Variants in TNFAIP6 observed in about 807,000 individuals in gnomAD.
TNFAIP6 encodes the protein TNF alpha induced protein 6.
TNFAIP6 carries 36 observed loss-of-function variants against 33.7 expected under a neutral mutation model. The ratio of observed to expected loss-of-function variants is 1.07; its 90% confidence interval spans 0.82 to 1.41. The LOEUF (loss-of-function observed/expected upper bound fraction) is 1.41. TNFAIP6 is among the 40% of genes most tolerant of loss of function. The pLI is 0.00. For synonymous variants in TNFAIP6, 113 were observed against 112.8 expected, an observed-to-expected ratio of 1.00 and a Z score of -0.01; for missense variants, 273 against 331.9, an observed-to-expected ratio of 0.82 and a Z score of 1.38.
At chr2:151,374,677 T>A (rs1162980351) in intron 5 of TNFAIP6, among the ~76,000 whole-genome samples, 10 of 152,240 alleles carry the variant, frequency 6.6e-5, no homozygotes, top group Non-Finnish European at 8.8e-5. Context: ...TGTTACAAAC[T>A]CCCTTAAGAA....
chr2:151,367,940 A>G (rs568053381), intron 3 of TNFAIP6, among the ~76,000 whole-genome samples: 2 of 152,298 alleles, frequency 1.3e-5, no homozygotes, highest in South Asian at 2.1e-4. Flanking sequence ...GATATTCTAA[A>G]TAATAGATGA....
At position 151,366,093 on chromosome 2, in the gene TNFAIP6, C is replaced by T. The variant is rs1260694261; in HGVS notation, c.270C>T (p.Gly90=). Reference sequence around the variant, plus strand: ...GTGCTGCTGGATGGATGGCTAAGGGCAGAGTTGGATACCCCATTGTGAAGC... The same window carrying T: ...GTGCTGCTGGATGGATGGCTAAGGGTAGAGTTGGATACCCCATTGTGAAGC... ...HVCAAGWMAK[G]RVGYPIVKPG... is the part of the protein sequence containing the mutation. Residue 90 remains glycine (G), a synonymous_variant, in exon 3 of 6, where the codon GGC becomes GGT. Transcript: ENST00000243347. 6.2e-7 allele frequency: 1 copy of T among 1,614,046 alleles called. No homozygotes were observed.
intron 3 of TNFAIP6, among the ~76,000 whole-genome samples, chr2:151,369,607 C>T (rs189380423): frequency 2.0e-5 from 3 of 152,018 alleles, no homozygotes; most frequent in Admixed American, 6.6e-5. Flanking sequence ...GATCCATTTC[C>T]ACACAAAAAA....
In TNFAIP6 at chr2:151,379,685, C is replaced by A. The variant is rs950405785; in HGVS notation, c.*152C>A. On this transcript the variant is annotated 3_prime_UTR_variant, in exon 6 of 6. Coordinates refer to ENST00000243347, the MANE Select transcript of TNFAIP6 (RefSeq NM_007115.4). The stretch of plus-strand genomic sequence containing the variant: ...AGGGAAAATTGGAAAATATAGGAAA[C>A]TTTAAACGAGAAAATGAAACCTCTC... 3.8e-5 allele frequency: 20 copies of A among 528,972 alleles called. No homozygotes were observed. The highest frequency in any genetic ancestry group is 5.6e-5 in the Non-Finnish European group (19 of 337,072). 32.8% of individuals were successfully genotyped at this position (528,972 alleles called of 1,614,324 possible).
chr2:151,360,750 A>G (rs1684612369), intron 1 of TNFAIP6, among the ~76,000 whole-genome samples: 1 of 152,206 alleles, frequency 6.6e-6, no homozygotes, highest in African/African-American at 2.4e-5. Flanking sequence ...TTAATATTTA[A>G]TAAATTAAAT....
chr2:151,366,280 A>G, intron 3 of TNFAIP6, 63 bp downstream of exon 3: 2 of 1,473,392 alleles, frequency 1.4e-6, no homozygotes, highest in Non-Finnish European at 1.9e-6. Context: ...AGAGGTTGTT[A>G]AAAAAGAAAT....
intron 5 of TNFAIP6, among the ~76,000 whole-genome samples, chr2:151,375,953 A>T (rs935707605): frequency 1.3e-5 from 2 of 152,190 alleles, no homozygotes; most frequent in African/African-American, 4.8e-5. Flanking sequence ...CTACAAAAAA[A>T]TACAGAAGTC....
chr2:151,369,886 A>T (rs1210360526), intron 3 of TNFAIP6, 134 bp from the exon 4 acceptor site: 1 of 640,294 alleles, frequency 1.6e-6, no homozygotes. Context: ...TACATAATAT[A>T]CCATAGATGC....
intron 5 of TNFAIP6, among the ~76,000 whole-genome samples, chr2:151,378,523 T>C (rs1242865358): frequency 6.6e-6 from 1 of 151,596 alleles, no homozygotes; most frequent in African/African-American, 2.4e-5. Flanking sequence ...AGTTTTGCTC[T>C]TGTTGCCCAG....
intron 1 of TNFAIP6, 108 bp downstream of exon 1, chr2:151,357,868 C>A: frequency 1.6e-6 from 1 of 641,374 alleles, no homozygotes; most frequent in Non-Finnish European, 2.7e-6. Flanking sequence ...GGCTGATGTT[C>A]TCAAAGAAAA....
intron 2 of TNFAIP6, among the ~76,000 whole-genome samples, chr2:151,364,762 G>A (rs1381066457): frequency 2.0e-5 from 3 of 152,136 alleles, no homozygotes; most frequent in Non-Finnish European, 4.4e-5. Context: ...TTGCTGACTG[G>A]ATAACATCCG....
chr2:151,374,416 C>T (rs1316959466), intron 5 of TNFAIP6, among the ~76,000 whole-genome samples: 1 of 152,162 alleles, frequency 6.6e-6, no homozygotes, highest in Non-Finnish European at 1.5e-5. Context: ...ATCACCAGCA[C>T]CAGCAGCTGG....
chr2:151,362,287 T>A (rs777339159), intron 1 of TNFAIP6, among the ~76,000 whole-genome samples: 5 of 152,060 alleles, frequency 3.3e-5, no homozygotes. Flanking sequence ...GACTTAACAC[T>A]GCCTAAAATA....
intron 5 of TNFAIP6, among the ~76,000 whole-genome samples, chr2:151,375,099 T>C (rs970099256): frequency 5.4e-5 from 7 of 129,730 alleles, no homozygotes; most frequent in African/African-American, 8.8e-5. Flanking sequence ...CACTCCAGCC[T>C]GAGCAACAAG....
At position 151,379,476 on chromosome 2, in the gene TNFAIP6, A is replaced by G. The variant is rs1174096241; in HGVS notation, c.777A>G (p.Thr259=). ...CCAAATCCAGTCAAGGAAAAAATAC[A>G]AGTACTACTTCTACTGGAAATAAAA... ...PVSKSSQGKN[T]STTSTGNKNF... Residue 259 remains threonine (T), a synonymous_variant, in exon 6 of 6, where the codon ACA becomes ACG. Coordinates refer to ENST00000243347, the MANE Select transcript of TNFAIP6 (RefSeq NM_007115.4). 4 of 1,606,796 alleles carry G rather than the reference A, an allele frequency of 2.5e-6. No individual in the cohort carries two copies. The Admixed American group carries it at 5.1e-5, about 21-fold the overall frequency.
intron 5 of TNFAIP6, 84 bp downstream of exon 5, chr2:151,373,673 A>C: frequency 1.5e-6 from 1 of 681,154 alleles, no homozygotes; most frequent in Non-Finnish European, 2.3e-6. Flanking sequence ...TAAATAGTAA[A>C]TAGTAGTTAT....
intron 4 of TNFAIP6, among the ~76,000 whole-genome samples, chr2:151,373,217 A>T (rs1016038753): frequency 6.6e-6 from 1 of 152,156 alleles, no homozygotes; most frequent in Non-Finnish European, 1.5e-5. Flanking sequence ...TGGGAGGCTG[A>T]GGCAGGAGAA....
intron 5 of TNFAIP6, 127 bp from the exon 6 acceptor site, chr2:151,379,237 C>T (rs1166853016): frequency 7.0e-6 from 6 of 856,710 alleles, no homozygotes; most frequent in Non-Finnish European, 1.0e-5. Context: ...TGAGAATCGA[C>T]CTCTGAATTC....
Position 151,373,580 on chromosome 2 carries a change from A to C in TNFAIP6, c.655A>C (p.Ile219Leu). 1 of 1,554,506 alleles carries C rather than the reference A, an allele frequency of 6.4e-7. No homozygotes were observed. Among genetic ancestry groups the C allele is most frequent in the Non-Finnish European group, 8.7e-7 (1 of 1,146,168 alleles). ...TGGAGATGAGCTTCCAGATGACATC[A>C]TCAGTACAGGTAAGGTTTTAAATTG... ...YCGDELPDDI[I>L]STGNVMTLKF... is the part of the protein sequence containing the mutation. Residue 219 changes from isoleucine (I) to leucine (L), a missense_variant, in exon 5 of 6, where the codon ATC becomes CTC. Ile to Leu is a conservative substitution (Grantham distance 5). Transcript: ENST00000243347.
Sources: allele counts gnomAD v4.1 joint callset (sites outside exome capture counted in the v4.1 genomes callset), GRCh38; gene constraint gnomAD v4.1.1; transcripts MANE v1.5; gene names NCBI Gene and HGNC (gene_info 2026-07-23, HGNC 2026-07-21).